SH3KBP1: variants seen among roughly 807,000 people sequenced by gnomAD.
The protein encoded by SH3KBP1 is SH3 domain containing kinase binding protein 1.
Under a neutral mutation model 50.1 loss-of-function variants are expected in SH3KBP1, and 8 were observed. That is an observed-to-expected ratio of 0.16 (90% confidence interval 0.09 to 0.29). The LOEUF (loss-of-function observed/expected upper bound fraction) is 0.29. SH3KBP1 is among the 10% of genes least tolerant of loss of function. The probability of loss-of-function intolerance (pLI) is 1.00; values close to 1 mark genes in which losing one functional copy is unlikely to be tolerated. For missense variants in SH3KBP1, 377 were observed against 535.2 expected (o/e 0.70, Z 2.92); for synonymous variants, 227 against 218.6 (o/e 1.04, Z -0.34).
chrX:19,589,235 G>A (rs974443459), intron 11 of SH3KBP1, among the ~76,000 whole-genome samples: 3 of 112,482 alleles, frequency 2.7e-5, no homozygotes, highest in Non-Finnish European at 3.8e-5. Flanking sequence ...CCTGTAGGCC[G>A]ACAGCCCCTG....
chrX:19,882,454 G>C (rs1199637740), intron 1 of SH3KBP1, among the ~76,000 whole-genome samples: 1 of 111,319 alleles, frequency 9.0e-6, no homozygotes, highest in Non-Finnish European at 1.9e-5. Flanking sequence ...TGATGTGATG[G>C]GAGAGAGAGC....
intron 9 of SH3KBP1, among the ~76,000 whole-genome samples, chrX:19,603,328 A>C (rs1182824518): frequency 8.9e-6 from 1 of 112,369 alleles, no homozygotes; most frequent in African/African-American, 3.2e-5. Context: ...GCTTCTAAGG[A>C]ATCAGACCCA....
chrX:19,716,788 C>A (rs2063922473), intron 3 of SH3KBP1, among the ~76,000 whole-genome samples: 1 of 111,222 alleles, frequency 9.0e-6, no homozygotes, highest in African/African-American at 3.3e-5. Context: ...GCACAGGAAG[C>A]CTCAATAACT....
intron 1 of SH3KBP1, among the ~76,000 whole-genome samples, chrX:19,880,033 C>T (rs1040849970): frequency 2.7e-5 from 3 of 112,727 alleles, no homozygotes; most frequent in African/African-American, 9.7e-5. Context: ...TCCCCTGACC[C>T]CCGCCACCAG....
intron 6 of SH3KBP1, among the ~76,000 whole-genome samples, chrX:19,646,403 C>T (rs5909325): frequency 0.17 from 19,218 of 111,243 alleles, 1,271 homozygotes; most frequent in Non-Finnish European, 0.19. Context: ...TCTGTTCCCA[C>T]TCTTCCCCTT....
chrX:19,872,667 T>G (rs755353609), intron 1 of SH3KBP1, among the ~76,000 whole-genome samples: 59 of 109,293 alleles, frequency 5.4e-4, no homozygotes, highest in African/African-American at 1.9e-3. Flanking sequence ...TCCCAGCTAC[T>G]CGGGAGGCTG....
chrX:19,598,650 A>T (rs2066984833), intron 9 of SH3KBP1, among the ~76,000 whole-genome samples: 1 of 111,320 alleles, frequency 9.0e-6, no homozygotes, highest in African/African-American at 3.3e-5. Flanking sequence ...AGTTTGCCTC[A>T]TTTCAACATT....
intron 2 of SH3KBP1, among the ~76,000 whole-genome samples, chrX:19,831,791 C>CAA (rs368754488): frequency 2.7e-5 from 1 of 36,387 alleles, no homozygotes; most frequent in African/African-American, 1.5e-4. Context: ...AACTCCATCC[C>CAA]AAAAAAAAAA....
At chrX:19,759,127 G>T (rs1208698106) in intron 2 of SH3KBP1, among the ~76,000 whole-genome samples, 1 of 111,979 alleles carries the variant, frequency 8.9e-6, no homozygotes, top group African/African-American at 3.2e-5. Context: ...CTTTACATGG[G>T]ATAACACATT....
chrX:19,761,841 A>G lies in SH3KBP1; in HGVS notation c.163-15400T>C, dbSNP rs150037780. 4.7e-3 allele frequency among the ~76,000 whole-genome samples: 526 copies of G among 112,810 alleles called. 4 individuals are homozygous for G. Among genetic ancestry groups the G allele is most frequent in the African/African-American group, 0.016 (491 of 31,100 alleles). On this transcript the variant is annotated intron_variant, in intron 2 of 17. Coordinates refer to ENST00000397821, the MANE Select transcript of SH3KBP1 (RefSeq NM_031892.3). ...AAAGGTATACATGTTCATTCCAAAA[A>G]ATACATAACAAGAGGACACAAATGG...
At chrX:19,578,084 A>C (rs1464261632) in intron 12 of SH3KBP1, among the ~76,000 whole-genome samples, 1 of 112,367 alleles carries the variant, frequency 8.9e-6, no homozygotes, top group Non-Finnish European at 1.9e-5. Context: ...GGAACAGATG[A>C]TAATGGATGT....
chrX:19,635,094 CTTTAA>C (rs2061670455), intron 7 of SH3KBP1, among the ~76,000 whole-genome samples: 1 of 111,784 alleles, frequency 8.9e-6, no homozygotes, highest in African/African-American at 3.3e-5. Flanking sequence ...GCTTCACACA[CTTTAA>C]TTTATTATGA....
intron 2 of SH3KBP1, among the ~76,000 whole-genome samples, chrX:19,813,160 AAAGAAGAAGAAG>A (rs370190945): frequency 9.6e-5 from 10 of 104,532 alleles, no homozygotes; most frequent in South Asian, 4.1e-4. Flanking sequence ...AAACAAAAAA[AAAGAAGAAGAAG>A]AAGAAGAAGA....
intron 1 of SH3KBP1, among the ~76,000 whole-genome samples, chrX:19,865,669 C>A (rs1184238854): frequency 8.9e-6 from 1 of 112,010 alleles, no homozygotes; most frequent in African/African-American, 3.2e-5. Context: ...CTATTTTTAG[C>A]AAGTCTCGGT....
chrX:19,755,793 C>T (rs1461004235), intron 2 of SH3KBP1, among the ~76,000 whole-genome samples: 21 of 111,971 alleles, frequency 1.9e-4, no homozygotes, highest in Admixed American at 4.7e-4. Context: ...CTGACCTAAC[C>T]GGTTATGTTA....
At chrX:19,550,153 C>T in intron 13 of SH3KBP1, 70 bp from the exon 14 acceptor site, 1 of 642,092 alleles carries the variant, frequency 1.6e-6, no homozygotes, top group South Asian at 2.4e-5. Context: ...GTCATAAGCA[C>T]CTCTCTTCCT....
chrX:19,672,580 T>G (rs1215066820), intron 6 of SH3KBP1, among the ~76,000 whole-genome samples: 1 of 112,164 alleles, frequency 8.9e-6, no homozygotes, highest in East Asian at 2.8e-4. Flanking sequence ...AAATGCTTAT[T>G]TAAGGACATT....
intron 2 of SH3KBP1, among the ~76,000 whole-genome samples, chrX:19,787,829 T>C (rs754677187): frequency 8.9e-6 from 1 of 111,834 alleles, no homozygotes; most frequent in South Asian, 3.7e-4. Context: ...AGCAGGTGAC[T>C]TCTTCGCTGA....
At chrX:19,635,563 A>T (rs2061683680) in intron 7 of SH3KBP1, among the ~76,000 whole-genome samples, 1 of 110,191 alleles carries the variant, frequency 9.1e-6, no homozygotes, top group Admixed American at 9.7e-5. Context: ...GAAAAAAAAT[A>T]CTACGTTGCA....
Sources: allele counts gnomAD v4.1 joint callset (sites outside exome capture counted in the v4.1 genomes callset), GRCh38; gene constraint gnomAD v4.1.1; transcripts MANE v1.5; gene names NCBI Gene and HGNC (gene_info 2026-07-23, HGNC 2026-07-21).